Variants in TMEM63B observed in about 807,000 individuals in gnomAD.
TMEM63B encodes the protein mechanosensitive cation channel TMEM63B.
TMEM63B carries 23 observed loss-of-function variants against 102.6 expected under a neutral mutation model. The observed-to-expected ratio is 0.22, with a 90% CI of 0.16 to 0.32. The LOEUF is 0.32. Ranked by LOEUF, TMEM63B falls within the 10% of genes least tolerant of loss-of-function variation. The pLI is 1.00. For missense variants in TMEM63B, 628 were observed against 1,095.9 expected, an observed-to-expected ratio of 0.57 and a Z score of 6.03; for synonymous variants, 444 against 437.0, an observed-to-expected ratio of 1.02 and a Z score of -0.20.
rs913576718 is a variant in TMEM63B, at chr6:44,154,164, A to G, written c.2202A>G (p.Lys734=). 1.9e-6 allele frequency: 3 copies of G among 1,614,048 alleles called. No homozygotes were observed. The highest frequency in any genetic ancestry group is 1.7e-6 in the Non-Finnish European group (2 of 1,179,960). Residue 734 remains lysine (K), a synonymous_variant, in exon 22 of 24, where the codon AAA becomes AAG. Coordinates refer to ENST00000323267, the MANE Select transcript of TMEM63B (RefSeq NM_018426.3). The part of the protein sequence containing the change: ...CLCHVCFGHF[K]YLSAHNYKIE... ...GCCACGTCTGCTTTGGACACTTCAA[A>G]TACCTCAGTGCCCACAACTACAAGG...
chr6:44,131,589 T>G (rs1778290139), intron 1 of TMEM63B, among the ~76,000 whole-genome samples: 1 of 152,000 alleles, frequency 6.6e-6, no homozygotes, highest in Non-Finnish European at 1.5e-5. Flanking sequence ...CGTGGTGGCA[T>G]GTGTCTGTAG....
At chr6:44,134,807 C>G in intron 2 of TMEM63B, 64 bp downstream of exon 2, 1 of 1,564,350 alleles carries the variant, frequency 6.4e-7, no homozygotes, top group Non-Finnish European at 8.7e-7. Context: ...GCAAACACTT[C>G]CAGCTCTAAC....
At chr6:44,133,916 T>C (rs771141458) in intron 1 of TMEM63B, among the ~76,000 whole-genome samples, 33 of 152,132 alleles carry the variant, frequency 2.2e-4, no homozygotes, top group Non-Finnish European at 4.4e-4. Flanking sequence ...GGAAGAGAAA[T>C]GAGAATAAGC....
At chr6:44,137,677 G>A (rs1763248173) in intron 5 of TMEM63B, among the ~76,000 whole-genome samples, 1 of 151,428 alleles carries the variant, frequency 6.6e-6, no homozygotes, top group South Asian at 2.1e-4. Flanking sequence ...TGCCTGGAGG[G>A]TGGAGGGGAG....
intron 6 of TMEM63B, among the ~76,000 whole-genome samples, 195 bp from the exon 7 acceptor site, chr6:44,139,272 C>G (rs753816204): frequency 3.9e-5 from 6 of 152,076 alleles, no homozygotes; most frequent in Non-Finnish European, 5.9e-5. Flanking sequence ...CTCCCTCCCC[C>G]TCTCTTCTCC....
At chr6:44,154,500 A>C (rs1337947418) in intron 23 of TMEM63B, 55 bp downstream of exon 23, 8 of 1,603,272 alleles carry the variant, frequency 5.0e-6, no homozygotes, top group African/African-American at 1.3e-5. Flanking sequence ...CTCAAAGCCC[A>C]GTGTTCCCTT....
At chr6:44,140,200 T>C in intron 8 of TMEM63B, 52 bp from the exon 9 acceptor site, 2 of 1,437,222 alleles carry the variant, frequency 1.4e-6, no homozygotes, top group South Asian at 2.3e-5. Context: ...GTGTCTCCTC[T>C]GAGTGTGTCC....
chr6:44,140,408 T>C, intron 9 of TMEM63B, 48 bp downstream of exon 9: 2 of 1,483,466 alleles, frequency 1.3e-6, no homozygotes, highest in Non-Finnish European at 1.9e-6. Context: ...GCCTCTTCCC[T>C]TCCCTTCCCT....
intron 5 of TMEM63B, 162 bp from the exon 6 acceptor site, chr6:44,138,318 T>G: frequency 2.5e-6 from 2 of 800,316 alleles, no homozygotes; most frequent in Non-Finnish European, 4.2e-6. Flanking sequence ...CTCTCTCCCT[T>G]TTTGGGTATA....
chr6:44,141,021 C>G lies in TMEM63B; in HGVS notation c.712-7C>G, dbSNP rs1218107778. The G allele has an allele frequency of 6.2e-7, 1 of 1,614,044 alleles. No individual in the cohort carries two copies. Among genetic ancestry groups the G allele is most frequent in the East Asian group, 2.2e-5 (1 of 44,882 alleles). ...TCAGAAGGCAAACCCACTCCCCTGTCACCCAGGTGAAGCGGACCCTCTTCA... is the reference window on the plus strand; with the variant it reads ...TCAGAAGGCAAACCCACTCCCCTGTGACCCAGGTGAAGCGGACCCTCTTCA... On this transcript the variant is annotated splice_region_variant and splice_polypyrimidine_tract_variant and intron_variant, in intron 9 of 23. Coordinates refer to ENST00000323267, the MANE Select transcript of TMEM63B (RefSeq NM_018426.3).
At chr6:44,134,112 G>C (rs1762459989) in intron 1 of TMEM63B, among the ~76,000 whole-genome samples, 1 of 152,114 alleles carries the variant, frequency 6.6e-6, no homozygotes, top group African/African-American at 2.4e-5. Flanking sequence ...GCTGGCTCCT[G>C]ACCCATTCTC....
upstream of TMEM63B, chr6:44,126,889 G>C (rs545141691): frequency 2.0e-5 from 3 of 152,326 alleles, no homozygotes; most frequent in African/African-American, 4.8e-5. Context: ...CGTTGACAGA[G>C]TGAAAGCAAA....
In TMEM63B at chr6:44,154,156, C is replaced by T. The variant is rs1767474120; in HGVS notation, c.2194C>T (p.His732Tyr). 1 of 1,614,130 alleles carries T rather than the reference C, an allele frequency of 6.2e-7. No homozygotes were observed. Among genetic ancestry groups the T allele is most frequent in the Non-Finnish European group, 8.5e-7 (1 of 1,179,984 alleles). The change falls in exon 22 of 24, where the codon CAC becomes TAC. Residue 732 changes from histidine (H) to tyrosine (Y), a missense_variant. His to Tyr is a moderately conservative substitution (Grantham distance 83). Around this residue, in one of 6 missense-constraint regions of TMEM63B, gnomAD observed 129 missense variants for 153.5 expected, o/e 0.84. Coordinates refer to ENST00000323267, the MANE Select transcript of TMEM63B (RefSeq NM_018426.3). ...VICLCHVCFG[H>Y]FKYLSAHNYK... ...CTGTCTCTGCCACGTCTGCTTTGGA[C>T]ACTTCAAATACCTCAGTGCCCACAA...
chr6:44,129,914 C>T (rs1231972085), intron 1 of TMEM63B, among the ~76,000 whole-genome samples: 1 of 152,132 alleles, frequency 6.6e-6, no homozygotes, highest in African/African-American at 2.4e-5. Context: ...AATGAAGAAA[C>T]TGAGGCCCAG....
intron 10 of TMEM63B, among the ~76,000 whole-genome samples, chr6:44,144,964 A>G (rs1017113069): frequency 6.6e-5 from 10 of 152,094 alleles, no homozygotes; most frequent in African/African-American, 2.2e-4. Context: ...ATCAAAGAAC[A>G]GTGCATGATC....
chr6:44,155,058 C>A lies in TMEM63B; in HGVS notation c.*175C>A. On this transcript the variant is annotated 3_prime_UTR_variant, in exon 24 of 24. Transcript: ENST00000323267. ...TCTCCCCCATGATGGAGGGAGGGAGCCCCCCAACCTCAGTGAGGAGAGCCC... is the reference window on the plus strand; with the variant it reads ...TCTCCCCCATGATGGAGGGAGGGAGACCCCCAACCTCAGTGAGGAGAGCCC... The A allele has an allele frequency of 3.3e-6, 2 of 614,998 alleles. No individual in the cohort carries two copies. Among genetic ancestry groups the A allele is most frequent in the Non-Finnish European group, 2.5e-6 (1 of 394,504 alleles). The allele number at this position is 614,998 out of a possible 1,614,324, so 38.1% of individuals were successfully genotyped here.
At chr6:44,129,875 A>C (rs1045479975) in intron 1 of TMEM63B, among the ~76,000 whole-genome samples, 2 of 152,222 alleles carry the variant, frequency 1.3e-5, no homozygotes, top group Admixed American at 1.3e-4. Flanking sequence ...CAGAACAACA[A>C]CACAACTGGA....
chr6:44,139,494 G>A lies in TMEM63B; in HGVS notation c.435G>A (p.Gly145=). The A allele has an allele frequency of 6.2e-7, 1 of 1,614,182 alleles. No individual in the cohort carries two copies. Among genetic ancestry groups the A allele is most frequent in the South Asian group, 1.1e-5 (1 of 91,086 alleles). Residue 145 remains glycine (G), a synonymous_variant, in exon 7 of 24, where the codon GGG becomes GGA. Coordinates refer to ENST00000323267, the MANE Select transcript of TMEM63B (RefSeq NM_018426.3). ...IKDDEIRDKC[G]GDAVHYLSFQ... Reference sequence around the variant, plus strand: ...ATGATGAGATCCGGGACAAATGTGGGGGCGATGCCGTGCACTACCTGTCCT... The same window carrying A: ...ATGATGAGATCCGGGACAAATGTGGAGGCGATGCCGTGCACTACCTGTCCT...
rs761287175 is a variant in TMEM63B, at chr6:44,150,681, G to A, written c.1673+52G>A. Reference sequence around the variant, plus strand: ...GAGACCAGACAGCAGGGGTGGGTATGCTTGAGAGACATTGCCAGCCCCATG... The same window carrying A: ...GAGACCAGACAGCAGGGGTGGGTATACTTGAGAGACATTGCCAGCCCCATG... On this transcript the variant is annotated intron_variant, in intron 18 of 23. Coordinates refer to ENST00000323267, the MANE Select transcript of TMEM63B (RefSeq NM_018426.3). This position sits in a 1 kb window ranked among gnomAD's most constrained non-coding sequence, Gnocchi z 4.7. The A allele has an allele frequency of 3.2e-6, 5 of 1,570,910 alleles. No individual in the cohort carries two copies. The highest frequency in any genetic ancestry group is 1.4e-5 in the African/African-American group (1 of 73,990).
Sources: gnomAD v4.1 joint callset for allele counts (sites outside exome capture counted in the v4.1 genomes callset) on GRCh38, gnomAD v4.1.1 for gene constraint, gnomAD v4.1.1 regional missense constraint, Gnocchi (gnomAD v3.1) non-coding constraint, MANE v1.5 for transcripts, NCBI Gene and HGNC (gene_info 2026-07-23, HGNC 2026-07-21) for gene names.